DLGAP2: variants seen among roughly 807,000 people sequenced by gnomAD.
DLGAP2 encodes DLG associated protein 2, also known as disks large-associated protein 2.
A neutral mutation model predicts 100.3 loss-of-function variants in DLGAP2; 26 were observed. The observed-to-expected ratio is 0.26, with a 90% CI of 0.19 to 0.36. The LOEUF (loss-of-function observed/expected upper bound fraction) is 0.36. Ranked by LOEUF, DLGAP2 falls within the 10% of genes least tolerant of loss-of-function variation. The pLI is 1.00. For missense variants in DLGAP2, 1,858 were observed against 1,453.2 expected (o/e 1.28, Z -4.53); for synonymous variants, 886 against 630.1 (o/e 1.41, Z -6.08).
intron 3 of DLGAP2, among the ~76,000 whole-genome samples, chr8:1,318,674 C>T (rs911125148): frequency 2.0e-5 from 3 of 151,844 alleles, no homozygotes; most frequent in African/African-American, 7.3e-5. Flanking sequence ...TACTGCCAAG[C>T]AACATACTAA....
chr8:990,308 CA>C (rs1563131655), intron 2 of DLGAP2, among the ~76,000 whole-genome samples: 130 of 148,772 alleles, frequency 8.7e-4, no homozygotes, highest in African/African-American at 3.0e-3. Flanking sequence ...GAAAGTGGCC[CA>C]GACCCCCTGC....
At chr8:801,257 A>G (rs1029526555) in intron 1 of DLGAP2, among the ~76,000 whole-genome samples, 2 of 152,240 alleles carry the variant, frequency 1.3e-5, no homozygotes, top group African/African-American at 4.8e-5. Context: ...TGTTGGATTA[A>G]TGAAGCAGTT....
intron 4 of DLGAP2, among the ~76,000 whole-genome samples, chr8:1,536,698 C>T (rs889804230): frequency 2.6e-5 from 4 of 152,194 alleles, no homozygotes; most frequent in East Asian, 1.9e-4. Context: ...AATCTGAACC[C>T]GCGTTTGGTC....
chr8:983,481 T>C (rs1800399227), intron 2 of DLGAP2, among the ~76,000 whole-genome samples: 1 of 152,220 alleles, frequency 6.6e-6, no homozygotes, highest in Non-Finnish European at 1.5e-5. Context: ...AATCCACGTG[T>C]TGGTGGAAAG....
At chr8:1,687,971 A>G (rs1184147615) in intron 12 of DLGAP2, among the ~76,000 whole-genome samples, 1 of 152,158 alleles carries the variant, frequency 6.6e-6, no homozygotes, top group African/African-American at 2.4e-5. Context: ...AGCAAAGATG[A>G]TTCCTCCCCT....
chr8:1,627,135 A>G (rs73543229), intron 7 of DLGAP2, among the ~76,000 whole-genome samples: 5,899 of 152,326 alleles, frequency 0.039, 384 homozygotes, highest in African/African-American at 0.13. Context: ...AGCAATGACC[A>G]AAAGGGTGGT....
At chr8:1,690,025 T>C (rs1011036482) in intron 12 of DLGAP2, among the ~76,000 whole-genome samples, 1 of 152,252 alleles carries the variant, frequency 6.6e-6, no homozygotes, top group Middle Eastern at 3.4e-3. Flanking sequence ...CCAAAGCAGC[T>C]GTTTACAAAG....
At chr8:1,030,813 G>T (rs1801949824) in intron 2 of DLGAP2, among the ~76,000 whole-genome samples, 1 of 152,136 alleles carries the variant, frequency 6.6e-6, no homozygotes, top group South Asian at 2.1e-4. Context: ...AGGCACTGAA[G>T]GCAGCCAGCG....
intron 3 of DLGAP2, among the ~76,000 whole-genome samples, chr8:1,431,837 G>A (rs1188842745): frequency 6.6e-6 from 1 of 152,188 alleles, no homozygotes; most frequent in Non-Finnish European, 1.5e-5. Context: ...CCGTGTCGAT[G>A]GCCACCAAGC....
chr8:1,330,183 A>G (rs1021107123), intron 3 of DLGAP2, among the ~76,000 whole-genome samples: 3 of 150,192 alleles, frequency 2.0e-5, no homozygotes, highest in African/African-American at 7.4e-5. Flanking sequence ...CGTGGTGCTG[A>G]CGCCCAGGGA....
chr8:1,423,740 G>A (rs745444383), intron 3 of DLGAP2, among the ~76,000 whole-genome samples: 2 of 152,176 alleles, frequency 1.3e-5, no homozygotes, highest in Admixed American at 6.5e-5. Context: ...GGAGAGAGGC[G>A]GGTGGGGAAG....
chr8:1,028,672 G>A (rs534390075), intron 2 of DLGAP2, among the ~76,000 whole-genome samples: 5 of 152,376 alleles, frequency 3.3e-5, no homozygotes, highest in African/African-American at 1.2e-4. Flanking sequence ...CCATCCAGGA[G>A]CTAGGGTGTG....
chr8:1,364,220 C>G (rs1405754413), intron 3 of DLGAP2, among the ~76,000 whole-genome samples: 1 of 152,190 alleles, frequency 6.6e-6, no homozygotes, highest in East Asian at 1.9e-4. Context: ...TGCCCCCGGG[C>G]TGGATCCCAG....
rs182141085 is a variant in DLGAP2, at chr8:1,008,082, A to G, written c.73+100116A>G. Among the ~76,000 whole-genome samples, 119 of 152,240 alleles carry G rather than the reference A, an allele frequency of 7.8e-4. 4 individuals are homozygous for G. The East Asian group carries it at 0.017, about 21-fold the overall frequency. ...TCCAGGCTAGAATAAGTTTTAAAGT[A>G]TTTTCTTTTTCATCCAAATTGATTA... On this transcript the variant is annotated intron_variant, in intron 2 of 14. Transcript: ENST00000637795.
chr8:1,569,031 C>T (rs1802546470), intron 6 of DLGAP2, among the ~76,000 whole-genome samples: 1 of 146,734 alleles, frequency 6.8e-6, no homozygotes, highest in Non-Finnish European at 1.5e-5. Context: ...GACACAAATC[C>T]ACTCTGCCTG....
chr8:932,220 A>G (rs1798975728), intron 2 of DLGAP2, among the ~76,000 whole-genome samples: 1 of 152,318 alleles, frequency 6.6e-6, no homozygotes, highest in Non-Finnish European at 1.5e-5. Context: ...GTCCATAAAC[A>G]CACATGCAGT....
At chr8:833,235 G>C (rs932069353) in intron 1 of DLGAP2, among the ~76,000 whole-genome samples, 3 of 152,210 alleles carry the variant, frequency 2.0e-5, no homozygotes, top group African/African-American at 7.2e-5. Flanking sequence ...CACTGGGGGA[G>C]TCAGCACTCC....
intron 3 of DLGAP2, among the ~76,000 whole-genome samples, chr8:1,443,063 C>G (rs560451013): frequency 2.0e-5 from 3 of 152,212 alleles, no homozygotes; most frequent in African/African-American, 4.8e-5. Flanking sequence ...TTAGACAACC[C>G]TTAGTTACAT....
intron 3 of DLGAP2, among the ~76,000 whole-genome samples, chr8:1,354,435 C>T (rs530085025): frequency 6.6e-6 from 1 of 152,204 alleles, no homozygotes; most frequent in Non-Finnish European, 1.5e-5. Flanking sequence ...ATCACTTGAA[C>T]TCGGGAGGCA....
Sources: allele counts gnomAD v4.1 joint callset (sites outside exome capture counted in the v4.1 genomes callset), GRCh38; gene constraint gnomAD v4.1.1; transcripts MANE v1.5; gene names NCBI Gene and HGNC (gene_info 2026-07-23, HGNC 2026-07-21).